Variants in ENPP6 observed in about 807,000 individuals in gnomAD.
The protein encoded by ENPP6 is glycerophosphocholine cholinephosphodiesterase ENPP6.
ENPP6 carries 32 observed loss-of-function variants against 42.0 expected under a neutral mutation model. That is an observed-to-expected ratio of 0.76 (90% CI 0.58 to 1.02). The LOEUF is 1.02. Among genes scored for constraint, ENPP6 ranks in the 50% least tolerant of loss-of-function variants. The pLI is 0.00. For missense variants in ENPP6, 552 were observed against 566.8 expected, an observed-to-expected ratio of 0.97 and a Z score of 0.27; for synonymous variants, 213 against 216.0, an observed-to-expected ratio of 0.99 and a Z score of 0.12.
intron 1 of ENPP6, among the ~76,000 whole-genome samples, chr4:184,203,136 A>G (rs1485415502): frequency 1.3e-5 from 2 of 151,836 alleles, no homozygotes; most frequent in Non-Finnish European, 2.9e-5. Flanking sequence ...CTGTAATCCC[A>G]GCTACTCAGG....
intron 2 of ENPP6, among the ~76,000 whole-genome samples, chr4:184,152,820 T>A (rs1737079174): frequency 6.6e-6 from 1 of 152,214 alleles, no homozygotes; most frequent in African/African-American, 2.4e-5. Context: ...CATGGGAGTC[T>A]TAACACAAAG....
chr4:184,171,887 G>A (rs1166805413), intron 1 of ENPP6, among the ~76,000 whole-genome samples: 4 of 152,068 alleles, frequency 2.6e-5, no homozygotes, highest in South Asian at 4.1e-4. Context: ...AATCTTGCTC[G>A]CGGGCGGGAG....
chr4:184,167,240 C>T (rs576759445), intron 1 of ENPP6, among the ~76,000 whole-genome samples: 4 of 152,266 alleles, frequency 2.6e-5, no homozygotes, highest in African/African-American at 4.8e-5. Context: ...CTCAGTCTCC[C>T]GAGTAGTTGA....
intron 1 of ENPP6, among the ~76,000 whole-genome samples, chr4:184,168,204 G>T (rs935306918): frequency 1.3e-5 from 2 of 152,108 alleles, no homozygotes; most frequent in African/African-American, 4.8e-5. Flanking sequence ...TCTGAAAAAT[G>T]GAGATAATCA....
intron 6 of ENPP6, among the ~76,000 whole-genome samples, chr4:184,104,021 T>C (rs1375109358): frequency 6.7e-6 from 1 of 149,378 alleles, no homozygotes; most frequent in Non-Finnish European, 1.5e-5. Flanking sequence ...TCTTTTCTTT[T>C]CTTTTTTTGA....
At chr4:184,128,148 A>C (rs1023408916) in intron 2 of ENPP6, among the ~76,000 whole-genome samples, 1 of 152,228 alleles carries the variant, frequency 6.6e-6, no homozygotes, top group Non-Finnish European at 1.5e-5. Flanking sequence ...GAGAAAACCA[A>C]ATTTATTAAC....
intron 2 of ENPP6, among the ~76,000 whole-genome samples, chr4:184,150,080 C>T (rs1478291469): frequency 1.3e-5 from 2 of 152,148 alleles, no homozygotes; most frequent in Non-Finnish European, 2.9e-5. Flanking sequence ...GTCATATATA[C>T]AATTTCTGGC....
intron 2 of ENPP6, among the ~76,000 whole-genome samples, chr4:184,132,019 A>AG (rs1248875429): frequency 6.6e-6 from 1 of 152,182 alleles, no homozygotes; most frequent in Non-Finnish European, 1.5e-5. Flanking sequence ...TGGATGTCCC[A>AG]GCTGAAGCGA....
chr4:184,175,473 T>C (rs1448062961), intron 1 of ENPP6, among the ~76,000 whole-genome samples: 4 of 152,116 alleles, frequency 2.6e-5, no homozygotes, highest in Non-Finnish European at 5.9e-5. Context: ...TACACCACTA[T>C]GAGTTGATGT....
intron 1 of ENPP6, among the ~76,000 whole-genome samples, chr4:184,201,874 G>T (rs942608587): frequency 6.6e-6 from 1 of 152,158 alleles, no homozygotes; most frequent in Non-Finnish European, 1.5e-5. Context: ...TATAGTTTAA[G>T]TGGAAAAAAT....
At chr4:184,162,874 G>C (rs2111085621) in intron 1 of ENPP6, among the ~76,000 whole-genome samples, 1 of 152,236 alleles carries the variant, frequency 6.6e-6, no homozygotes, top group East Asian at 1.9e-4. Flanking sequence ...CTGGGCTGAG[G>C]GGAGCCAATG....
intron 2 of ENPP6, among the ~76,000 whole-genome samples, chr4:184,133,698 A>AT (rs35142222): frequency 0.63 from 93,522 of 147,874 alleles, 29,562 homozygotes; most frequent in Non-Finnish European, 0.68. Flanking sequence ...GTTTGCTGTC[A>AT]TTTTTTTTTT....
chr4:184,119,312 GGTGTGTGTGT>G (rs6148837), intron 3 of ENPP6, among the ~76,000 whole-genome samples: 5,419 of 144,020 alleles, frequency 0.038, 130 homozygotes, highest in Admixed American at 0.058. Context: ...TCTGTTTCTT[GGTGTGTGTGT>G]GTGTGTGTGT....
At chr4:184,130,769 T>G (rs13136909) in intron 2 of ENPP6, among the ~76,000 whole-genome samples, 105,854 of 151,150 alleles carry the variant, frequency 0.7, 37,596 homozygotes, top group African/African-American at 0.8. Context: ...TTACTTATCT[T>G]AATGGAACTA....
Position 184,208,363 on chromosome 4 carries a change from C to T in ENPP6, c.241+9216G>A, listed in dbSNP as rs1187134457. On this transcript the variant is annotated intron_variant, in intron 1 of 7. Coordinates refer to ENST00000296741, the MANE Select transcript of ENPP6 (RefSeq NM_153343.4). ...TCACTAGGGAGTGCCAGACAGTGGG[C>T]GCAGGTCAGTGGGTGCGCGCACCCT... Among the ~76,000 whole-genome samples, 8 of 152,208 alleles carry T rather than the reference C, an allele frequency of 5.3e-5. No individual in the cohort carries two copies. The East Asian group carries it at 5.8e-4, about 11-fold the overall frequency.
At chr4:184,153,260 G>T (rs960438379) in intron 2 of ENPP6, among the ~76,000 whole-genome samples, 1 of 151,700 alleles carries the variant, frequency 6.6e-6, no homozygotes, top group Non-Finnish European at 1.5e-5. Context: ...CGAGTAGCTT[G>T]GATTACAGGC....
intron 1 of ENPP6, among the ~76,000 whole-genome samples, chr4:184,214,096 G>A (rs1315883081): frequency 1.5e-5 from 2 of 134,928 alleles, no homozygotes; most frequent in Admixed American, 7.8e-5. Context: ...GTTGTGGGGT[G>A]GGGGGAGGCG....
chr4:184,184,894 G>C lies in ENPP6; in HGVS notation c.242-31161C>G, dbSNP rs1442888844. Among the ~76,000 whole-genome samples the C allele has an allele frequency of 6.6e-6, 1 of 152,118 alleles. No homozygotes were observed. The highest frequency in any genetic ancestry group is 1.5e-5 in the Non-Finnish European group (1 of 68,006). ...TCCTGTTGTCTGAGCCACCCAGCGTGTGGAGTGTGTGACAGCAGCCCTAGG... is the reference window on the plus strand; with the variant it reads ...TCCTGTTGTCTGAGCCACCCAGCGTCTGGAGTGTGTGACAGCAGCCCTAGG... On this transcript the variant is annotated intron_variant, in intron 1 of 7. Coordinates refer to ENST00000296741, the MANE Select transcript of ENPP6 (RefSeq NM_153343.4). This position sits in a 1 kb window ranked among gnomAD's most constrained non-coding sequence, Gnocchi z 4.7.
At chr4:184,134,238 C>A (rs1385670650) in intron 2 of ENPP6, among the ~76,000 whole-genome samples, 1 of 151,984 alleles carries the variant, frequency 6.6e-6, no homozygotes, top group Non-Finnish European at 1.5e-5. Context: ...CTCAGCCTCC[C>A]AAGTAGCTGG....
Sources: gnomAD v4.1 joint callset for allele counts (sites outside exome capture counted in the v4.1 genomes callset) on GRCh38, gnomAD v4.1.1 for gene constraint, Gnocchi (gnomAD v3.1) non-coding constraint, MANE v1.5 for transcripts, NCBI Gene and HGNC (gene_info 2026-07-23, HGNC 2026-07-21) for gene names.